The following RSBN1 variants were observed in gnomAD, a reference collection of about 807,000 sequenced individuals.
RSBN1 encodes the protein lysine-specific demethylase 9.
Under a neutral mutation model 74.8 loss-of-function variants are expected in RSBN1, and 23 were observed. The observed-to-expected ratio is 0.31, with a 90% CI of 0.22 to 0.44. The LOEUF (loss-of-function observed/expected upper bound fraction) is 0.44. RSBN1 is among the 20% of genes least tolerant of loss of function. The pLI is 1.00. For synonymous variants in RSBN1, 407 were observed against 379.6 expected, an observed-to-expected ratio of 1.07 and a Z score of -0.84; for missense variants, 808 against 1,020.9, an observed-to-expected ratio of 0.79 and a Z score of 2.84.
chr1:113,778,666 C>G (rs1186811519), intron 2 of RSBN1, among the ~76,000 whole-genome samples: 1 of 152,126 alleles, frequency 6.6e-6, no homozygotes, highest in African/African-American at 2.4e-5. Flanking sequence ...TCTCTTGAAT[C>G]TGCCCAATCT....
intron 2 of RSBN1, among the ~76,000 whole-genome samples, chr1:113,795,925 T>C (rs1447303644): frequency 6.6e-6 from 1 of 152,194 alleles, no homozygotes; most frequent in East Asian, 1.9e-4. Flanking sequence ...TCAGAAATGC[T>C]TGTTGGTCTA....
intron 3 of RSBN1, 148 bp downstream of exon 3, chr1:113,777,523 T>C: frequency 2.2e-6 from 2 of 907,596 alleles, no homozygotes. Flanking sequence ...TTAAGTACTT[T>C]GTACTAATAT....
chr1:113,790,185 G>A (rs1195425809), intron 2 of RSBN1, among the ~76,000 whole-genome samples: 1 of 152,206 alleles, frequency 6.6e-6, no homozygotes, highest in Non-Finnish European at 1.5e-5. Context: ...GAAGGGAAAG[G>A]TTGGAGGGGT....
At position 113,765,557 on chromosome 1, in the gene RSBN1, A is replaced by T. The variant is rs556304219; in HGVS notation, c.*423T>A. The T allele has an allele frequency of 4.4e-5, 7 of 159,622 alleles. No homozygotes were observed. In the South Asian group the frequency reaches 1.3e-3, roughly 29 times the overall value. 9.9% of individuals were successfully genotyped at this position (159,622 alleles called of 1,614,324 possible). A position where few individuals can be genotyped will look rare whatever the true frequency, so the allele number is the denominator to read the frequency against. The stretch of plus-strand genomic sequence containing the variant: ...TATGCCATTTTCACTGTAGAAATTG[A>T]ACCTGTGCCATAAAGACACAAGTAC... On this transcript the variant is annotated 3_prime_UTR_variant, in exon 7 of 7. Coordinates refer to ENST00000261441, the MANE Select transcript of RSBN1 (RefSeq NM_018364.5).
At chr1:113,793,825 G>A (rs148752625) in intron 2 of RSBN1, among the ~76,000 whole-genome samples, 1 of 152,040 alleles carries the variant, frequency 6.6e-6, no homozygotes, top group Non-Finnish European at 1.5e-5. Context: ...CCGCCACCAT[G>A]TCAGCTAATT....
chr1:113,766,534 T>A, intron 6 of RSBN1, 81 bp from the exon 7 acceptor site: 1 of 879,292 alleles, frequency 1.1e-6, no homozygotes, highest in Non-Finnish European at 1.7e-6. Context: ...AGGAAAACAG[T>A]AGAAACAAAA....
At position 113,797,317 on chromosome 1, in the gene RSBN1, G is replaced by A. The variant is rs750943038; in HGVS notation, c.1377+46C>T. The A allele has an allele frequency of 4.2e-6, 6 of 1,438,742 alleles. No individual in the cohort carries two copies. The African/African-American group carries it at 1.1e-4, about 27-fold the overall frequency. 89.1% of individuals were successfully genotyped at this position (1,438,742 alleles called of 1,614,324 possible). On this transcript the variant is annotated intron_variant, in intron 2 of 6. Transcript: ENST00000261441. ...TGTGCGACAGAAAGAGGTTAATTCT[G>A]TTTAGAATCGTATTTACTAATTTTT...
intron 1 of RSBN1, among the ~76,000 whole-genome samples, chr1:113,810,335 C>T (rs1660802492): frequency 6.6e-6 from 1 of 151,786 alleles, no homozygotes; most frequent in African/African-American, 2.4e-5. Flanking sequence ...TTCTACAATA[C>T]AAATTTAAGC....
intron 1 of RSBN1, among the ~76,000 whole-genome samples, chr1:113,805,325 G>C (rs1196490259): frequency 1.3e-5 from 2 of 152,018 alleles, no homozygotes. Context: ...TCCCGACCTC[G>C]TGATTTGCCC....
intron 2 of RSBN1, among the ~76,000 whole-genome samples, chr1:113,792,829 G>A (rs1660392805): frequency 6.6e-6 from 1 of 152,040 alleles, no homozygotes; most frequent in Admixed American, 6.6e-5. Flanking sequence ...GGGAAGGGAG[G>A]GGAAGGGGAA....
intron 4 of RSBN1, among the ~76,000 whole-genome samples, chr1:113,771,566 T>C (rs1571295000): frequency 8.2e-6 from 1 of 121,484 alleles, no homozygotes; most frequent in East Asian, 2.4e-4. Flanking sequence ...GAGGATATGA[T>C]AAAAGAACAG....
chr1:113,782,233 C>A (rs961745067), intron 2 of RSBN1, among the ~76,000 whole-genome samples: 1 of 152,010 alleles, frequency 6.6e-6, no homozygotes, highest in Admixed American at 6.6e-5. Flanking sequence ...TAAAATGACT[C>A]AAAATAAGGT....
At chr1:113,806,396 G>A (rs1660700020) in intron 1 of RSBN1, among the ~76,000 whole-genome samples, 1 of 151,118 alleles carries the variant, frequency 6.6e-6, no homozygotes, top group Non-Finnish European at 1.5e-5. Context: ...AAGTGCAAAA[G>A]CAATTCAATG....
At chr1:113,772,546 C>A (rs1010040297) in intron 4 of RSBN1, among the ~76,000 whole-genome samples, 2 of 152,112 alleles carry the variant, frequency 1.3e-5, no homozygotes, top group Admixed American at 1.3e-4. Flanking sequence ...TTAAAAAACT[C>A]TGTACACATA....
At position 113,768,223 on chromosome 1, in the gene RSBN1, A is replaced by G. The variant is rs1659820804; in HGVS notation, c.1825T>C (p.Trp609Arg). ...GVLKAVQFGE[W>R]SDQPRITKDV... ...TGCAGTTGAGTTCAATTAACTCACCATTCACCAAATTGTACAGCTTTCAAA... is the reference window on the plus strand; with the variant it reads ...TGCAGTTGAGTTCAATTAACTCACCGTTCACCAAATTGTACAGCTTTCAAA... Residue 609 changes from tryptophan (W) to arginine (R), a missense_variant and splice_region_variant, in exon 5 of 7, where the codon TGG (tryptophan) becomes CGG (arginine). By Grantham distance (101) the Trp-to-Arg change is moderately radical. Around this residue, in one of 6 missense-constraint regions of RSBN1, gnomAD observed 18 missense variants for 16.2 expected, o/e 1.11. Transcript: ENST00000261441. 1.2e-6 allele frequency: 2 copies of G among 1,603,776 alleles called. No individual in the cohort carries two copies. Among genetic ancestry groups the G allele is most frequent in the Non-Finnish European group, 8.5e-7 (1 of 1,175,856 alleles).
intron 1 of RSBN1, among the ~76,000 whole-genome samples, chr1:113,801,743 T>C (rs1026714640): frequency 3.3e-5 from 5 of 152,204 alleles, no homozygotes; most frequent in Admixed American, 6.5e-5. Flanking sequence ...AACTGTGTGA[T>C]TACATATAAA....
chr1:113,797,707 T>G lies in RSBN1; in HGVS notation c.1033A>C (p.Ile345Leu), dbSNP rs1278700130. ...TPFMTHQEHS[I>L]RRNFLKTGTK... ...CCTGTTTTTAAGAAATTTCTACGAA[T>G]AGAATGTTCCTGGTGAGTCATAAAA... is the stretch of plus-strand genomic sequence containing the variant. Residue 345 changes from isoleucine (I) to leucine (L), a missense_variant, in exon 2 of 7, where the codon ATT becomes CTT. Physicochemically the swap from Ile to Leu is conservative, Grantham distance 5 (BLOSUM62 2). Around this residue, in one of 6 missense-constraint regions of RSBN1, gnomAD observed 85 missense variants for 126.2 expected, o/e 0.67. Coordinates refer to ENST00000261441, the MANE Select transcript of RSBN1 (RefSeq NM_018364.5). The G allele has an allele frequency of 1.9e-6, 3 of 1,614,012 alleles. No homozygotes were observed. The highest frequency in any genetic ancestry group is 2.5e-6 in the Non-Finnish European group (3 of 1,179,998).
At position 113,762,722 on chromosome 1, in the gene RSBN1, C is replaced by G. The variant is rs1472413351; in HGVS notation, c.*3258G>C. On this transcript the variant is annotated 3_prime_UTR_variant, in exon 7 of 7. Coordinates refer to ENST00000261441, the MANE Select transcript of RSBN1 (RefSeq NM_018364.5). ...TTCCTATATTAGCTTTCATTCTAGA[C>G]AATTAATATTTATATAGGGAAAGGC... 1 of 152,716 alleles carries G rather than the reference C, an allele frequency of 6.5e-6. No homozygotes were observed. The highest frequency in any genetic ancestry group is 2.4e-5 in the African/African-American group (1 of 41,420). 9.5% of individuals were successfully genotyped at this position (152,716 alleles called of 1,614,324 possible).
At chr1:113,783,542 C>T in intron 2 of RSBN1, among the ~76,000 whole-genome samples, 1 of 152,130 alleles carries the variant, frequency 6.6e-6, no homozygotes, top group East Asian at 1.9e-4. Context: ...GCAAAGTATT[C>T]CTTCTTTTTA....
Sources: allele counts gnomAD v4.1 joint callset (sites outside exome capture counted in the v4.1 genomes callset), GRCh38; gene constraint gnomAD v4.1.1; regional missense constraint gnomAD v4.1.1; transcripts MANE v1.5; gene names NCBI Gene and HGNC (gene_info 2026-07-23, HGNC 2026-07-21).